OPCML: variants seen among roughly 807,000 people sequenced by gnomAD.
The protein encoded by OPCML is opioid-binding protein/cell adhesion molecule.
OPCML carries 13 observed loss-of-function variants against 37.8 expected under a neutral mutation model. The ratio of observed to expected loss-of-function variants is 0.34; its 90% CI spans 0.22 to 0.55. The LOEUF is 0.55. Ranked by LOEUF, OPCML falls within the 20% of genes least tolerant of loss-of-function variation. OPCML has a pLI of 0.91. For missense variants in OPCML, 341 were observed against 435.6 expected, an observed-to-expected ratio of 0.78 and a Z score of 1.93; for synonymous variants, 176 against 168.8, an observed-to-expected ratio of 1.04 and a Z score of -0.33.
At chr11:133,124,536 C>T (rs938991672) in intron 1 of OPCML, among the ~76,000 whole-genome samples, 1 of 152,098 alleles carries the variant, frequency 6.6e-6, no homozygotes, top group Non-Finnish European at 1.5e-5. Flanking sequence ...TGAAAAATCT[C>T]ATTAAAGCCT....
chr11:133,377,629 A>G (rs1944840794), intron 1 of OPCML, among the ~76,000 whole-genome samples: 1 of 149,774 alleles, frequency 6.7e-6, no homozygotes, highest in Admixed American at 6.6e-5. Flanking sequence ...AAAAAAAAAG[A>G]GCACCAAGTC....
chr11:132,971,512 T>C (rs572980710), intron 1 of OPCML, among the ~76,000 whole-genome samples: 45 of 152,328 alleles, frequency 3.0e-4, no homozygotes, highest in African/African-American at 1.0e-3. Context: ...TTCTCCAGCA[T>C]TGATGTGCTT....
chr11:133,313,038 G>A (rs1390925728), intron 1 of OPCML, among the ~76,000 whole-genome samples: 2 of 152,192 alleles, frequency 1.3e-5, no homozygotes, highest in African/African-American at 2.4e-5. Context: ...AGTGACTTCC[G>A]TGCATGGACA....
chr11:132,980,376 A>G (rs1230921783), intron 1 of OPCML, among the ~76,000 whole-genome samples: 1 of 152,252 alleles, frequency 6.6e-6, no homozygotes, highest in African/African-American at 2.4e-5. Context: ...TTTTGTTATT[A>G]TGAAAGTACT....
At chr11:132,955,972 A>G (rs1043633379) in intron 1 of OPCML, among the ~76,000 whole-genome samples, 1 of 152,222 alleles carries the variant, frequency 6.6e-6, no homozygotes, top group Non-Finnish European at 1.5e-5. Context: ...TTCCTGGCAT[A>G]TAGTAGGTTT....
intron 1 of OPCML, among the ~76,000 whole-genome samples, chr11:133,378,344 T>G (rs575466436): frequency 7.2e-5 from 11 of 152,316 alleles, no homozygotes; most frequent in Non-Finnish European, 1.3e-4. Context: ...TACTCAAACA[T>G]TACGTTTGTA....
intron 1 of OPCML, among the ~76,000 whole-genome samples, chr11:132,952,239 G>C (rs1404264178): frequency 6.6e-6 from 1 of 152,166 alleles, no homozygotes; most frequent in Admixed American, 6.5e-5. Context: ...TCTGGTCATG[G>C]AGCTTTAGTG....
chr11:133,328,157 A>AT (rs533894891), intron 1 of OPCML, among the ~76,000 whole-genome samples: 13,229 of 138,266 alleles, frequency 0.096, 733 homozygotes, highest in African/African-American at 0.13. Flanking sequence ...GTGTGTTTTA[A>AT]TTTTTTTTTT....
intron 4 of OPCML, among the ~76,000 whole-genome samples, chr11:132,511,191 A>T (rs2096268087): frequency 6.6e-6 from 1 of 152,194 alleles, no homozygotes; most frequent in African/African-American, 2.4e-5. Context: ...TGAGATTTTT[A>T]AAATTTCCTT....
intron 1 of OPCML, among the ~76,000 whole-genome samples, chr11:132,958,392 G>A (rs1946014711): frequency 6.6e-6 from 1 of 152,226 alleles, no homozygotes; most frequent in African/African-American, 2.4e-5. Flanking sequence ...TTATAACATA[G>A]AAGTACAAGA....
chr11:133,489,782 G>T (rs994031809), intron 1 of OPCML, among the ~76,000 whole-genome samples: 19 of 151,768 alleles, frequency 1.3e-4, no homozygotes, highest in African/African-American at 4.6e-4. Context: ...ATGGAATCAA[G>T]CTAAGTGTCC....
In OPCML at chr11:132,570,755, GTATATATATATATATA is replaced by G. The variant is rs71477765; in HGVS notation, c.380-41585_380-41570del. On this transcript the variant is annotated intron_variant, in intron 3 of 7. Transcript: ENST00000524381. ...CTCAGGGGAATAGGCAGGAAAGAGA[GTATATATATATATATA>G]TATATATATATATATATATATATAT... 0.01 allele frequency among the ~76,000 whole-genome samples: 303 copies of G among 30,114 alleles called. 13 individuals carry two copies. The East Asian group carries it at 0.13, about 13-fold the overall frequency. 19.8% of individuals were successfully genotyped at this position (30,114 alleles called of 152,430 possible). A position where few individuals can be genotyped will look rare whatever the true frequency, so the allele number is the denominator to read the frequency against.
intron 2 of OPCML, among the ~76,000 whole-genome samples, chr11:132,830,617 C>T (rs1007272663): frequency 6.6e-6 from 1 of 152,130 alleles, no homozygotes; most frequent in Non-Finnish European, 1.5e-5. Context: ...ACAGACAACA[C>T]CAGGAGGTGC....
chr11:133,213,669 A>C (rs1318102110), intron 1 of OPCML, among the ~76,000 whole-genome samples: 1 of 152,194 alleles, frequency 6.6e-6, no homozygotes, highest in Non-Finnish European at 1.5e-5. Context: ...AAGTTACAAC[A>C]TTGCAGTTGC....
In OPCML at chr11:132,752,367, T is replaced by C. The variant is rs558949786; in HGVS notation, c.147-95048A>G. Among the ~76,000 whole-genome samples, 6 of 152,292 alleles carry C rather than the reference T, an allele frequency of 3.9e-5. No homozygotes were observed. In the South Asian group the frequency reaches 1.2e-3, roughly 32 times the overall value. On this transcript the variant is annotated intron_variant, in intron 2 of 7. Transcript: ENST00000524381. The stretch of plus-strand genomic sequence containing the variant: ...AACAGCACATCTTTGTCTGAAACCT[T>C]AGTTCCAGGAACCACTTACAGGCTT...
At chr11:133,023,504 C>T in intron 1 of OPCML, among the ~76,000 whole-genome samples, 1 of 152,184 alleles carries the variant, frequency 6.6e-6, no homozygotes, top group Non-Finnish European at 1.5e-5. Context: ...CCACACTTCA[C>T]CTAAAGACCA....
At chr11:132,695,483 A>C (rs879821845) in intron 2 of OPCML, among the ~76,000 whole-genome samples, 1 of 152,208 alleles carries the variant, frequency 6.6e-6, no homozygotes, top group Non-Finnish European at 1.5e-5. Context: ...TATATAACAC[A>C]TTAAGGAGCT....
At chr11:133,233,243 G>C (rs1054334833) in intron 1 of OPCML, among the ~76,000 whole-genome samples, 3 of 152,188 alleles carry the variant, frequency 2.0e-5, no homozygotes, top group Non-Finnish European at 4.4e-5. Context: ...ACCACCCTTT[G>C]TAGGAAGGAT....
chr11:133,226,930 T>C (rs956838099), intron 1 of OPCML, among the ~76,000 whole-genome samples: 2 of 152,254 alleles, frequency 1.3e-5, no homozygotes, highest in African/African-American at 4.8e-5. Context: ...TAGACTCTTG[T>C]CATGAGCCAG....
Sources: gnomAD v4.1 joint callset for allele counts (sites outside exome capture counted in the v4.1 genomes callset) on GRCh38, gnomAD v4.1.1 for gene constraint, MANE v1.5 for transcripts, NCBI Gene and HGNC (gene_info 2026-07-23, HGNC 2026-07-21) for gene names.